The following TOX variants were observed in gnomAD, a reference collection of about 807,000 sequenced individuals.
The protein encoded by TOX is thymocyte selection associated high mobility group box.
Under a neutral mutation model 53.7 loss-of-function variants are expected in TOX, and 11 were observed. The observed-to-expected ratio is 0.20, with a 90% CI of 0.13 to 0.34. TOX has a LOEUF of 0.34. TOX is among the 10% of genes least tolerant of loss of function. The pLI is 1.00. For synonymous variants in TOX, 225 were observed against 245.3 expected (o/e 0.92, Z 0.77); for missense variants, 570 against 664.6 (o/e 0.86, Z 1.56).
chr8:58,996,002 T>C (rs1306673549), intron 1 of TOX, among the ~76,000 whole-genome samples: 1 of 152,214 alleles, frequency 6.6e-6, no homozygotes, highest in Non-Finnish European at 1.5e-5. Flanking sequence ...TTTCCAGGCC[T>C]GCTCTCCCCT....
At chr8:58,903,630 A>G (rs997219759) in intron 3 of TOX, among the ~76,000 whole-genome samples, 1 of 152,156 alleles carries the variant, frequency 6.6e-6, no homozygotes, top group Non-Finnish European at 1.5e-5. Flanking sequence ...CTTTTTGAAT[A>G]CTGGCTAATA....
chr8:59,045,810 A>G (rs1803671706), intron 1 of TOX, among the ~76,000 whole-genome samples: 4 of 152,228 alleles, frequency 2.6e-5, no homozygotes, highest in Admixed American at 2.6e-4. Flanking sequence ...ATAGGACTCA[A>G]AAACAAAACT....
intron 3 of TOX, among the ~76,000 whole-genome samples, chr8:58,904,137 T>G (rs1811775740): frequency 1.3e-5 from 2 of 152,192 alleles, no homozygotes; most frequent in Admixed American, 1.3e-4. Context: ...CTTATTTGAA[T>G]GGTTTTGCTA....
chr8:58,955,357 C>A (rs149604904), intron 2 of TOX, among the ~76,000 whole-genome samples: 2 of 150,260 alleles, frequency 1.3e-5, no homozygotes, highest in Admixed American at 6.7e-5. Flanking sequence ...TAACCGTTCA[C>A]GGAAAGAAGA....
At chr8:58,814,745 G>A (rs1311390927) in intron 7 of TOX, among the ~76,000 whole-genome samples, 1 of 152,166 alleles carries the variant, frequency 6.6e-6, no homozygotes, top group African/African-American at 2.4e-5. Flanking sequence ...CAGGGAGTGG[G>A]TAGGGAGGCT....
At chr8:58,857,354 G>T (rs1810932849) in intron 3 of TOX, among the ~76,000 whole-genome samples, 3 of 152,136 alleles carry the variant, frequency 2.0e-5, no homozygotes, top group African/African-American at 7.2e-5. Context: ...GCATTTTAGT[G>T]TTGCGTGGCT....
chr8:58,836,783 G>A (rs1810553475), intron 5 of TOX, among the ~76,000 whole-genome samples: 1 of 152,156 alleles, frequency 6.6e-6, no homozygotes, highest in African/African-American at 2.4e-5. Flanking sequence ...TTTATTCATG[G>A]TAATTCTAGG....
intron 3 of TOX, among the ~76,000 whole-genome samples, chr8:58,932,095 C>G (rs1812263973): frequency 6.6e-6 from 1 of 152,038 alleles, no homozygotes; most frequent in African/African-American, 2.4e-5. Context: ...TAACAATTAA[C>G]TATAAACAAC....
intron 6 of TOX, among the ~76,000 whole-genome samples, chr8:58,820,032 C>T (rs996576449): frequency 9.2e-5 from 14 of 152,184 alleles, no homozygotes; most frequent in African/African-American, 2.9e-4. Flanking sequence ...TCTGGGTTTA[C>T]AGAGCTGCAA....
intron 1 of TOX, among the ~76,000 whole-genome samples, chr8:58,973,203 T>C (rs6995890): frequency 0.95 from 144,157 of 152,214 alleles, 68,333 homozygotes; most frequent in East Asian, 1. Flanking sequence ...GCTCTTTAGA[T>C]GCACGACAGG....
intron 1 of TOX, among the ~76,000 whole-genome samples, chr8:58,963,752 T>A (rs912250735): frequency 2.0e-5 from 3 of 152,212 alleles, no homozygotes; most frequent in African/African-American, 7.2e-5. Flanking sequence ...GGCAGCCCTC[T>A]GTTTCAGGGC....
At chr8:58,809,174 CTTAA>C (rs1376008565) in intron 7 of TOX, among the ~76,000 whole-genome samples, 1 of 152,172 alleles carries the variant, frequency 6.6e-6, no homozygotes, top group African/African-American at 2.4e-5. Flanking sequence ...AAAAAGGCAA[CTTAA>C]TTAATCTCAT....
At position 59,095,531 on chromosome 8, in the gene TOX, C is replaced by T. The variant is rs542835543; in HGVS notation, c.102+23355G>A. Reference sequence around the variant, plus strand: ...AAGCAATTCTCCTGTCTCAGCCTCCCAAGTAGCTGGGATTACAGGCGTGCA... The same window carrying T: ...AAGCAATTCTCCTGTCTCAGCCTCCTAAGTAGCTGGGATTACAGGCGTGCA... On this transcript the variant is annotated intron_variant, in intron 1 of 8. Coordinates refer to ENST00000361421, the MANE Select transcript of TOX (RefSeq NM_014729.3). 1.4e-3 allele frequency among the ~76,000 whole-genome samples: 218 copies of T among 152,252 alleles called. 4 individuals are homozygous for T. The highest frequency in any genetic ancestry group is 3.5e-4 in the Non-Finnish European group (24 of 68,016).
chr8:58,927,657 AC>A (rs1180739123), intron 3 of TOX, among the ~76,000 whole-genome samples: 1 of 152,228 alleles, frequency 6.6e-6, no homozygotes, highest in South Asian at 2.1e-4. Context: ...CCCGTGGTAC[AC>A]AGATACCAGT....
chr8:59,088,708 C>T (rs542988228), intron 1 of TOX, among the ~76,000 whole-genome samples: 3 of 152,268 alleles, frequency 2.0e-5, no homozygotes, highest in South Asian at 2.1e-4. Context: ...TCAATTAACA[C>T]GAACAAAGGA....
chr8:58,973,661 C>T (rs1585934624), intron 1 of TOX, among the ~76,000 whole-genome samples: 1 of 152,148 alleles, frequency 6.6e-6, no homozygotes, highest in African/African-American at 2.4e-5. Flanking sequence ...ATTAGCATTT[C>T]CTTGGTTCTT....
At chr8:58,846,284 C>A (rs1191677792) in intron 4 of TOX, among the ~76,000 whole-genome samples, 1 of 151,948 alleles carries the variant, frequency 6.6e-6, no homozygotes, top group Non-Finnish European at 1.5e-5. Context: ...CTAATACATA[C>A]TTTAAAAGTA....
intron 1 of TOX, among the ~76,000 whole-genome samples, chr8:58,984,442 G>T (rs1259767426): frequency 6.6e-6 from 1 of 152,130 alleles, no homozygotes; most frequent in Non-Finnish European, 1.5e-5. Flanking sequence ...TAGGGAAATA[G>T]AAATCATAAC....
At chr8:58,889,212 C>CAAAAAAAAA (rs10556451) in intron 3 of TOX, among the ~76,000 whole-genome samples, 43 of 114,414 alleles carry the variant, frequency 3.8e-4, no homozygotes, top group South Asian at 8.8e-4. Context: ...TTTACAATAG[C>CAAAAAAAAA]AAAAAAAAAA....
Sources: allele counts gnomAD v4.1 joint callset (sites outside exome capture counted in the v4.1 genomes callset), GRCh38; gene constraint gnomAD v4.1.1; transcripts MANE v1.5; gene names NCBI Gene and HGNC (gene_info 2026-07-23, HGNC 2026-07-21).